Variants in CALD1 observed in about 807,000 individuals in gnomAD.
CALD1 encodes the protein caldesmon.
A neutral mutation model predicts 99.9 loss-of-function variants in CALD1; 33 were observed. The ratio of observed to expected loss-of-function variants is 0.33; its 90% confidence interval spans 0.25 to 0.44. The LOEUF (loss-of-function observed/expected upper bound fraction) is 0.44, where lower values mean the gene tolerates loss of function less well. Among genes scored for constraint, CALD1 ranks in the 20% least tolerant of loss-of-function variants. The pLI is 1.00. For synonymous variants in CALD1, 310 were observed against 325.0 expected (o/e 0.95, Z 0.50); for missense variants, 861 against 962.1 (o/e 0.89, Z 1.39).
At chr7:134,914,411 T>C (rs1423825197) in intron 3 of CALD1, among the ~76,000 whole-genome samples, 1 of 152,210 alleles carries the variant, frequency 6.6e-6, no homozygotes, top group African/African-American at 2.4e-5. Context: ...ATTTCTTTTA[T>C]TTCTTGGGGA....
intron 3 of CALD1, among the ~76,000 whole-genome samples, chr7:134,916,068 C>T (rs1210876809): frequency 6.6e-6 from 1 of 152,194 alleles, no homozygotes; most frequent in African/African-American, 2.4e-5. Flanking sequence ...CTTCATTTCC[C>T]ATTTCCTGTC....
chr7:134,720,184 C>CTTTT, the CALD1 span, among the ~76,000 whole-genome samples: 1 of 139,956 alleles, frequency 7.1e-6, no homozygotes. Flanking sequence ...TAGCCCTCCT[C>CTTTT]TTTTTTTTTT....
intron 14 of CALD1, 45 bp downstream of exon 14, chr7:134,965,431 A>T (rs747695863): frequency 6.5e-6 from 6 of 920,740 alleles, no homozygotes; most frequent in Non-Finnish European, 1.1e-5. Flanking sequence ...TGTTTTCCTG[A>T]TGTATGGTGT....
intron 1 of CALD1, among the ~76,000 whole-genome samples, chr7:134,827,669 T>C (rs1799057255): frequency 6.6e-6 from 1 of 152,216 alleles, no homozygotes; most frequent in Non-Finnish European, 1.5e-5. Flanking sequence ...CATCACATGA[T>C]ATTCCAAATT....
intron 3 of CALD1, among the ~76,000 whole-genome samples, chr7:134,920,051 A>G (rs948778660): frequency 6.6e-6 from 1 of 152,226 alleles, no homozygotes; most frequent in African/African-American, 2.4e-5. Context: ...CCACATATAA[A>G]CAAAATCATA....
the CALD1 span, among the ~76,000 whole-genome samples, chr7:134,723,405 AGGT>A: frequency 6.6e-6 from 1 of 152,174 alleles, no homozygotes. Flanking sequence ...GTTAGAAATA[AGGT>A]AGTGCTCAAT....
intron 1 of CALD1, among the ~76,000 whole-genome samples, chr7:134,748,708 T>TGCCCC (rs1562988094): frequency 7.6e-6 from 1 of 132,276 alleles, no homozygotes; most frequent in Non-Finnish European, 1.6e-5. Flanking sequence ...TGAAACTCCA[T>TGCCCC]CCCCCCGCCC....
chr7:134,850,144 C>T lies in CALD1; in HGVS notation c.-42+6173C>T, dbSNP rs1340236546. Among the ~76,000 whole-genome samples the T allele has an allele frequency of 2.6e-5, 4 of 152,160 alleles. No individual in the cohort carries two copies. The East Asian group carries it at 5.8e-4, about 22-fold the overall frequency. ...CACAAGTGAACATAAACAGAAGATTCATTTTTACTTCATTAATAAACATCA... is the reference window on the plus strand; with the variant it reads ...CACAAGTGAACATAAACAGAAGATTTATTTTTACTTCATTAATAAACATCA... On this transcript the variant is annotated intron_variant, in intron 2 of 14. Coordinates refer to ENST00000361675, the MANE Select transcript of CALD1 (RefSeq NM_033138.4).
At chr7:134,923,350 T>C (rs1391983348) in intron 3 of CALD1, among the ~76,000 whole-genome samples, 1 of 152,238 alleles carries the variant, frequency 6.6e-6, no homozygotes, top group African/African-American at 2.4e-5. Context: ...TTGCCAGTTT[T>C]TTTAAAAAAT....
intron 1 of CALD1, among the ~76,000 whole-genome samples, chr7:134,771,623 CT>C (rs1048561016): frequency 6.7e-5 from 10 of 150,022 alleles, no homozygotes; most frequent in Admixed American, 4.0e-4. Flanking sequence ...AGACACAGTG[CT>C]TTTTTTTTTC....
intron 7 of CALD1, among the ~76,000 whole-genome samples, chr7:134,942,333 T>C (rs1272086439): frequency 6.6e-6 from 1 of 152,202 alleles, no homozygotes; most frequent in Admixed American, 6.5e-5. Flanking sequence ...GGATGGATAT[T>C]TCAGTCTCAT....
At chr7:134,903,671 G>A (rs1803158236) in intron 3 of CALD1, among the ~76,000 whole-genome samples, 1 of 151,998 alleles carries the variant, frequency 6.6e-6, no homozygotes, top group African/African-American at 2.4e-5. Flanking sequence ...TGCCCTCTGT[G>A]CAGGTCTGTC....
At chr7:134,964,484 T>A (rs1475192400) in intron 13 of CALD1, among the ~76,000 whole-genome samples, 4 of 152,066 alleles carry the variant, frequency 2.6e-5, no homozygotes, top group African/African-American at 9.7e-5. Context: ...GCACCAACAT[T>A]CACCAGTCAG....
chr7:134,724,052 T>G, the CALD1 span, among the ~76,000 whole-genome samples: 11 of 152,202 alleles, frequency 7.2e-5, no homozygotes, highest in African/African-American at 2.7e-4. Flanking sequence ...GCTCAGGGTT[T>G]GCTATGCGGC....
At chr7:134,938,927 T>G (rs983376977) in intron 6 of CALD1, among the ~76,000 whole-genome samples, 1 of 152,270 alleles carries the variant, frequency 6.6e-6, no homozygotes, top group African/African-American at 2.4e-5. Context: ...GAATGGAAAT[T>G]TTTCTGACTG....
At chr7:134,714,521 T>C in the CALD1 span, among the ~76,000 whole-genome samples, 2 of 152,176 alleles carry the variant, frequency 1.3e-5, no homozygotes, top group Admixed American at 1.3e-4. Context: ...CCAGTACTGA[T>C]GCAAGGCAGG....
At chr7:134,861,149 G>T (rs981545385) in intron 2 of CALD1, among the ~76,000 whole-genome samples, 3 of 152,194 alleles carry the variant, frequency 2.0e-5, no homozygotes, top group African/African-American at 7.2e-5. Flanking sequence ...TACAGCCATA[G>T]TATTATTATG....
intron 1 of CALD1, among the ~76,000 whole-genome samples, chr7:134,744,517 A>G (rs1303057492): frequency 6.6e-6 from 1 of 151,438 alleles, no homozygotes; most frequent in Non-Finnish European, 1.5e-5. Context: ...AGAGAGCAAG[A>G]TTAATTTAAT....
intron 1 of CALD1, chr7:134,809,465 T>G (rs969726762): frequency 1.3e-5 from 2 of 152,126 alleles, no homozygotes; most frequent in African/African-American, 4.8e-5. Flanking sequence ...AAGAACTAAA[T>G]GAAATAATAT....
Sources: gnomAD v4.1 joint callset for allele counts (sites outside exome capture counted in the v4.1 genomes callset) on GRCh38, gnomAD v4.1.1 for gene constraint, MANE v1.5 for transcripts, NCBI Gene and HGNC (gene_info 2026-07-23, HGNC 2026-07-21) for gene names.